The following CTNNA2 variants were observed in gnomAD, a reference collection of about 807,000 sequenced individuals.
The protein encoded by CTNNA2 is catenin alpha-2.
In CTNNA2, 42 loss-of-function variants were observed where a neutral mutation model predicts 101.0. That is an observed-to-expected ratio of 0.42 (90% confidence interval 0.32 to 0.54). CTNNA2 has a LOEUF of 0.54. Among genes scored for constraint, CTNNA2 ranks in the 20% least tolerant of loss-of-function variants. CTNNA2 has a pLI of 0.14. For synonymous variants in CTNNA2, 450 were observed against 456.4 expected (o/e 0.99, Z 0.18); for missense variants, 871 against 1,223.1 (o/e 0.71, Z 4.29).
chr2:80,559,761 A>C (rs76954507), intron 12 of CTNNA2, among the ~76,000 whole-genome samples: 4,982 of 152,094 alleles, frequency 0.033, 277 homozygotes, highest in African/African-American at 0.11. Context: ...ACAAATTGCC[A>C]AACAGCTTAG....
At chr2:79,227,028 G>T (rs1674425334) in intron 2 of CTNNA2, among the ~76,000 whole-genome samples, 1 of 152,078 alleles carries the variant, frequency 6.6e-6, no homozygotes, top group Admixed American at 6.6e-5. Flanking sequence ...TTAGCACACT[G>T]CCAGGAGTTG....
chr2:80,591,997 T>C (rs1696556544), intron 15 of CTNNA2, among the ~76,000 whole-genome samples: 1 of 152,172 alleles, frequency 6.6e-6, no homozygotes, highest in South Asian at 2.1e-4. Context: ...CATGTCATTT[T>C]TCAGAAAGAA....
chr2:79,520,381 T>G (rs1182621553), intron 1 of CTNNA2, among the ~76,000 whole-genome samples: 1 of 152,226 alleles, frequency 6.6e-6, no homozygotes, highest in African/African-American at 2.4e-5. Flanking sequence ...GTGGGATCAA[T>G]CTATGATTTT....
intron 2 of CTNNA2, among the ~76,000 whole-genome samples, chr2:79,212,998 G>T (rs1038352685): frequency 9.9e-5 from 15 of 152,174 alleles, no homozygotes; most frequent in African/African-American, 3.4e-4. Context: ...AACCTACATG[G>T]AAGAAGTTAG....
At chr2:79,423,528 G>A (rs1474582890) in intron 4 of CTNNA2, among the ~76,000 whole-genome samples, 1 of 152,146 alleles carries the variant, frequency 6.6e-6, no homozygotes, top group African/African-American at 2.4e-5. Flanking sequence ...TTATGAAATA[G>A]CATTTTAAAG....
chr2:80,352,597 C>T (rs1366054238), intron 7 of CTNNA2, among the ~76,000 whole-genome samples: 1 of 152,068 alleles, frequency 6.6e-6, no homozygotes, highest in Non-Finnish European at 1.5e-5. Flanking sequence ...TAAGTAAATA[C>T]TTTGCTTCTA....
chr2:79,565,883 T>C (rs1334442218), intron 1 of CTNNA2, among the ~76,000 whole-genome samples: 3 of 151,962 alleles, frequency 2.0e-5, no homozygotes, highest in African/African-American at 7.2e-5. Flanking sequence ...ATTGAGACCA[T>C]AGTAAAAGAG....
At chr2:80,160,537 T>C (rs149181178) in intron 7 of CTNNA2, among the ~76,000 whole-genome samples, 5 of 152,322 alleles carry the variant, frequency 3.3e-5, no homozygotes, top group African/African-American at 1.2e-4. Flanking sequence ...AAATGTGTTC[T>C]TTTTTGAGTG....
At chr2:80,198,168 G>C (rs1706959500) in intron 7 of CTNNA2, among the ~76,000 whole-genome samples, 1 of 152,184 alleles carries the variant, frequency 6.6e-6, no homozygotes, top group African/African-American at 2.4e-5. Flanking sequence ...CTGGTAGTGA[G>C]CCCATGATAG....
At chr2:80,549,690 C>T (rs1007090709) in intron 11 of CTNNA2, among the ~76,000 whole-genome samples, 1 of 151,832 alleles carries the variant, frequency 6.6e-6, no homozygotes, top group African/African-American at 2.4e-5. Context: ...TGCAACATTC[C>T]TCTCTCTCTT....
intron 7 of CTNNA2, among the ~76,000 whole-genome samples, chr2:79,948,822 GC>G (rs70940061): frequency 0.052 from 7,950 of 152,178 alleles, 261 homozygotes; most frequent in East Asian, 0.17. Context: ...CAAAAAAATA[GC>G]CGGGCGTGGT....
intron 3 of CTNNA2, among the ~76,000 whole-genome samples, chr2:79,817,013 A>T (rs1677561743): frequency 1.3e-5 from 2 of 148,230 alleles, no homozygotes; most frequent in Admixed American, 6.7e-5. Context: ...TTTATAGGAG[A>T]TATTCTTTTT....
At chr2:79,770,795 G>A (rs1471674723) in intron 3 of CTNNA2, among the ~76,000 whole-genome samples, 5 of 152,192 alleles carry the variant, frequency 3.3e-5, no homozygotes, top group African/African-American at 4.8e-5. Flanking sequence ...GAGAACTTAA[G>A]TAACAAGTTC....
chr2:79,735,982 C>G (rs1670844702), intron 2 of CTNNA2, among the ~76,000 whole-genome samples: 1 of 152,100 alleles, frequency 6.6e-6, no homozygotes, highest in East Asian at 1.9e-4. Flanking sequence ...TTATTATTTA[C>G]TTCTTTTTTA....
chr2:80,335,030 T>C (rs182377105), intron 7 of CTNNA2, among the ~76,000 whole-genome samples: 16 of 152,332 alleles, frequency 1.1e-4, no homozygotes, highest in Admixed American at 4.6e-4. Context: ...AGGAGTACAA[T>C]GACAGAGAGG....
intron 7 of CTNNA2, among the ~76,000 whole-genome samples, chr2:80,103,639 G>C (rs944536254): frequency 2.6e-5 from 4 of 152,176 alleles, no homozygotes; most frequent in African/African-American, 7.2e-5. Context: ...CAATTCATAG[G>C]TGTTATTTTC....
rs143937922 is a variant in CTNNA2 at position 80,630,307 on chromosome 2, C to T, written c.2574+11079C>T. Among the ~76,000 whole-genome samples the T allele has an allele frequency of 3.0e-3, 454 of 152,158 alleles. 5 individuals are homozygous for T. The highest frequency in any genetic ancestry group is 9.9e-3 in the African/African-American group (412 of 41,524). On this transcript the variant is annotated intron_variant, in intron 18 of 18. Transcript: ENST00000402739. Reference sequence around the variant, plus strand: ...GTTTTCCTACCGCTTTTTTAGAAAACCTTTTCATATGTCATTACATATTTA... The same window carrying T: ...GTTTTCCTACCGCTTTTTTAGAAAATCTTTTCATATGTCATTACATATTTA...
At chr2:79,644,592 G>A (rs1358131105) in intron 1 of CTNNA2, among the ~76,000 whole-genome samples, 1 of 152,132 alleles carries the variant, frequency 6.6e-6, no homozygotes, top group African/African-American at 2.4e-5. Context: ...TTGCTCACTA[G>A]CTGGCCCAGC....
At chr2:79,683,934 A>T (rs549202103) in intron 2 of CTNNA2, among the ~76,000 whole-genome samples, 1 of 152,314 alleles carries the variant, frequency 6.6e-6, no homozygotes, top group Admixed American at 6.5e-5. Flanking sequence ...GGCCACAGAG[A>T]CATAGGATCT....
Sources: gnomAD v4.1 joint callset for allele counts (sites outside exome capture counted in the v4.1 genomes callset) on GRCh38, gnomAD v4.1.1 for gene constraint, MANE v1.5 for transcripts, NCBI Gene and HGNC (gene_info 2026-07-23, HGNC 2026-07-21) for gene names.